IARS1: variants seen among roughly 807,000 people sequenced by gnomAD.
IARS1 encodes the protein isoleucyl-tRNA synthetase 1.
In IARS1, 124 loss-of-function variants were observed where a neutral mutation model predicts 168.2. That is an observed-to-expected ratio of 0.74 (90% CI 0.64 to 0.86). IARS1 has a LOEUF of 0.86. IARS1 is among the 40% of genes least tolerant of loss of function. The pLI is 0.00. For synonymous variants in IARS1, 532 were observed against 529.4 expected, an observed-to-expected ratio of 1.00 and a Z score of -0.07; for missense variants, 1,452 against 1,515.8, an observed-to-expected ratio of 0.96 and a Z score of 0.70.
intron 12 of IARS1, 114 bp from the exon 13 acceptor site, chr9:92,270,097 A>G: frequency 1.6e-6 from 1 of 613,626 alleles, no homozygotes; most frequent in Non-Finnish European, 3.0e-6. Flanking sequence ...GCCTTCTGCT[A>G]ATATTCATTT....
chr9:92,253,706 GA>G, intron 20 of IARS1: 1 of 524,144 alleles, frequency 1.9e-6, no homozygotes, highest in East Asian at 3.9e-5. Context: ...ATTGGTCAGT[GA>G]GAAAAGCCAA....
At chr9:92,236,392 C>T (rs1827533750) in intron 30 of IARS1, among the ~76,000 whole-genome samples, 1 of 148,270 alleles carries the variant, frequency 6.7e-6, no homozygotes, top group African/African-American at 2.5e-5. Context: ...AGTCTGTGTA[C>T]AACTGGTGTT....
intron 30 of IARS1, among the ~76,000 whole-genome samples, chr9:92,238,455 C>A (rs1030918625): frequency 6.6e-6 from 1 of 152,074 alleles, no homozygotes; most frequent in African/African-American, 2.4e-5. Flanking sequence ...TATCTTGCTC[C>A]CTCTCTTCAT....
intron 3 of IARS1, 49 bp downstream of exon 3, chr9:92,288,077 T>C (rs760574604): frequency 2.0e-5 from 32 of 1,576,580 alleles, no homozygotes; most frequent in Non-Finnish European, 2.8e-5. Context: ...CAAAATCTAA[T>C]GCTTATAAAA....
At position 92,228,876 on chromosome 9, in the gene IARS1, T is replaced by G; in HGVS notation, c.3409+125A>C. On this transcript the variant is annotated intron_variant, in intron 31 of 33. Coordinates refer to ENST00000443024, the MANE Select transcript of IARS1 (RefSeq NM_002161.6). ...ACTGCAGGCAGGCACTGCTGAAGAG[T>G]TGGGCCCTGACTCAAGAGAGTTAGG... 3 of 1,039,048 alleles carry G rather than the reference T, an allele frequency of 2.9e-6. No homozygotes were observed. The South Asian group carries it at 4.5e-5, about 16-fold the overall frequency. 64.4% of individuals were successfully genotyped at this position (1,039,048 alleles called of 1,614,324 possible).
intron 18 of IARS1, among the ~76,000 whole-genome samples, chr9:92,259,746 GTT>G (rs568786072): frequency 6.6e-6 from 1 of 152,120 alleles, no homozygotes; most frequent in Non-Finnish European, 1.5e-5. Flanking sequence ...TTCAATATGA[GTT>G]TTTTTATCAC....
chr9:92,230,058 A>G (rs1411754631), intron 30 of IARS1, among the ~76,000 whole-genome samples: 2 of 151,992 alleles, frequency 1.3e-5, no homozygotes, highest in South Asian at 2.1e-4. Flanking sequence ...TGTGAATGCA[A>G]TCATACAGTA....
chr9:92,292,675 C>G (rs928568845), intron 1 of IARS1: 5 of 154,484 alleles, frequency 3.2e-5, no homozygotes, highest in Non-Finnish European at 7.3e-5. Flanking sequence ...TTATTATAAT[C>G]CAGGCCCTTG....
intron 19 of IARS1, among the ~76,000 whole-genome samples, chr9:92,257,370 G>A (rs1016147941): frequency 1.3e-5 from 2 of 152,186 alleles, no homozygotes; most frequent in Admixed American, 1.3e-4. Context: ...CTCTTCCTCT[G>A]TGTTTAAGGC....
intron 30 of IARS1, among the ~76,000 whole-genome samples, chr9:92,234,904 C>T (rs142643497): frequency 1.3e-4 from 20 of 151,114 alleles, no homozygotes; most frequent in Admixed American, 2.6e-4. Context: ...AGTACAATGG[C>T]GCGATCTCGG....
intron 20 of IARS1, 96 bp downstream of exon 20, chr9:92,256,584 T>C (rs966477730): frequency 4.6e-5 from 55 of 1,205,268 alleles, no homozygotes; most frequent in Non-Finnish European, 6.1e-5. Context: ...TATTTAATTT[T>C]CTGTATCTCT....
chr9:92,216,364 C>T (rs1206705674), intron 33 of IARS1, among the ~76,000 whole-genome samples: 1 of 151,256 alleles, frequency 6.6e-6, no homozygotes, highest in African/African-American at 2.4e-5. Context: ...ACTACATCAA[C>T]TAACGAGCAA....
chr9:92,251,687 C>T, intron 22 of IARS1, 121 bp downstream of exon 22: 1 of 685,478 alleles, frequency 1.5e-6, no homozygotes, highest in Non-Finnish European at 2.6e-6. Context: ...TGTTATAAAA[C>T]TTCTATATCT....
At chr9:92,288,024 G>A in intron 3 of IARS1, 102 bp downstream of exon 3, 1 of 1,500,732 alleles carries the variant, frequency 6.7e-7, no homozygotes. Context: ...TGAACTAGAA[G>A]GTCTGACAGT....
At position 92,244,954 on chromosome 9, in the gene IARS1, A is replaced by G; in HGVS notation, c.2904+5T>C. On this transcript the variant is annotated splice_donor_5th_base_variant and intron_variant, in intron 27 of 33. Transcript: ENST00000443024. ...AAAGAAATGTTCTAGGAAACAGAAA[A>G]ATACCTGAGCATCTGAGTGTGCTTC... is the stretch of plus-strand genomic sequence containing the variant. 1 of 1,611,162 alleles carries G rather than the reference A, an allele frequency of 6.2e-7. No individual in the cohort carries two copies. The highest frequency in any genetic ancestry group is 8.5e-7 in the Non-Finnish European group (1 of 1,177,340).
At chr9:92,250,652 C>T in intron 23 of IARS1, 61 bp downstream of exon 23, 2 of 1,481,078 alleles carry the variant, frequency 1.4e-6, no homozygotes, top group South Asian at 1.3e-5. Flanking sequence ...CTCTTCCCCA[C>T]ATGCTTGAGC....
intron 6 of IARS1, among the ~76,000 whole-genome samples, chr9:92,281,323 G>A (rs1046758021): frequency 2.0e-5 from 3 of 151,888 alleles, no homozygotes; most frequent in African/African-American, 7.3e-5. Flanking sequence ...TAGTAGAGAT[G>A]GGGTTATTCC....
At chr9:92,261,578 TATGTAA>T (rs1302438804) in intron 17 of IARS1, among the ~76,000 whole-genome samples, 3 of 152,170 alleles carry the variant, frequency 2.0e-5, no homozygotes, top group African/African-American at 4.8e-5. Context: ...CAAATAAGTA[TATGTAA>T]AACTAGAGAA....
rs1826213884 is a variant in IARS1 at position 92,229,079 on chromosome 9, G to T, written c.3331C>A (p.Leu1111Ile). ...ENPKGDNRLD[L>I]LKLKSVVTSI... is the part of the protein sequence containing the mutation. ...GTGACAACACTCTTCAGCTTTAAAA[G>T]GTCCAACCTATTGTCACCTTTTGGA... The change falls in exon 31 of 34, where the codon CTT becomes ATT. Residue 1111 changes from leucine (L) to isoleucine (I), a missense_variant. Leu to Ile is a conservative substitution (Grantham distance 5). Transcript: ENST00000443024. The T allele has an allele frequency of 6.2e-7, 1 of 1,613,742 alleles. No individual in the cohort carries two copies. Among genetic ancestry groups the T allele is most frequent in the Non-Finnish European group, 8.5e-7 (1 of 1,179,970 alleles).
Sources: gnomAD v4.1 joint callset for allele counts (sites outside exome capture counted in the v4.1 genomes callset) on GRCh38, gnomAD v4.1.1 for gene constraint, MANE v1.5 for transcripts, NCBI Gene and HGNC (gene_info 2026-07-23, HGNC 2026-07-21) for gene names.